The following SNRPC variants were observed in gnomAD, a reference collection of about 807,000 sequenced individuals.
SNRPC encodes the protein small nuclear ribonucleoprotein polypeptide C.
In SNRPC, 5 loss-of-function variants were observed where a neutral mutation model predicts 20.0. The ratio of observed to expected loss-of-function variants is 0.25; its 90% CI spans 0.13 to 0.53. The LOEUF (loss-of-function observed/expected upper bound fraction) is 0.53. Among genes scored for constraint, SNRPC ranks in the 20% least tolerant of loss-of-function variants. The pLI is 0.96. For missense variants in SNRPC, 112 were observed against 224.1 expected, an observed-to-expected ratio of 0.50 and a Z score of 3.19; for synonymous variants, 61 against 58.7, an observed-to-expected ratio of 1.04 and a Z score of -0.18.
chr6:34,759,960 C>T (rs1272169253), intron 2 of SNRPC, among the ~76,000 whole-genome samples: 1 of 152,090 alleles, frequency 6.6e-6, no homozygotes, highest in Non-Finnish European at 1.5e-5. Context: ...TGAATAGTAG[C>T]TGGAAGAAAC....
At chr6:34,765,177 G>C (rs1041105267) in intron 3 of SNRPC, among the ~76,000 whole-genome samples, 2 of 152,082 alleles carry the variant, frequency 1.3e-5, no homozygotes, top group African/African-American at 4.8e-5. Flanking sequence ...TTGCTGTGAG[G>C]GTCTTTCTGT....
rs1311735904 is a variant in SNRPC, at chr6:34,770,309, G to T, written c.269G>T (p.Gly90Val). The T allele has an allele frequency of 6.2e-7, 1 of 1,612,864 alleles. No homozygotes were observed. The highest frequency in any genetic ancestry group is 8.5e-7 in the Non-Finnish European group (1 of 1,178,848). Residue 90 changes from glycine to valine, a missense_variant, in exon 5 of 6, where the codon GGT becomes GTT. Physicochemically the swap from Gly to Val is moderately radical, Grantham distance 109. This residue lies in a region of SNRPC where 57 missense variants were observed against 121.0 expected (regional missense o/e 0.47). Coordinates refer to ENST00000244520, the MANE Select transcript of SNRPC (RefSeq NM_003093.3). ...ATTTCAGCGGGTCCTCCTCGCCCTG[G>T]TATGATGCCAGCACCCCATATGGGG... ...PPSLPGPPRPGMMPAPHMGGP... is the reference protein window; with the variant it reads ...PPSLPGPPRPVMMPAPHMGGP...
chr6:34,762,351 C>A (rs1015017408), intron 2 of SNRPC, among the ~76,000 whole-genome samples: 6 of 150,636 alleles, frequency 4.0e-5, no homozygotes, highest in African/African-American at 1.5e-4. Flanking sequence ...TGTTCCAATA[C>A]TTTTTTTTTA....
Position 34,770,288 on chromosome 6 carries a change from C to A in SNRPC, c.251-3C>A. On this transcript the variant is annotated splice_polypyrimidine_tract_variant and splice_region_variant and intron_variant, in intron 4 of 5. Coordinates refer to ENST00000244520, the MANE Select transcript of SNRPC (RefSeq NM_003093.3). ...TAACCACAGGCTCCATTCTTTATTT[C>A]AGCGGGTCCTCCTCGCCCTGGTATG... 6.3e-7 allele frequency: 1 copy of A among 1,598,876 alleles called. No individual in the cohort carries two copies. Among genetic ancestry groups the A allele is most frequent in the Non-Finnish European group, 8.6e-7 (1 of 1,166,522 alleles).
Position 34,767,901 on chromosome 6 carries a change from T to C in SNRPC, c.161-7T>C, listed in dbSNP as rs767399195. ...TTTTTTTTTTTTTTTTTCCTCACCC[T>C]CCAAAGCGGCTGCATTTCAACAAGG... On this transcript the variant is annotated splice_region_variant and splice_polypyrimidine_tract_variant and intron_variant, in intron 3 of 5. Transcript: ENST00000244520. 7.9e-6 allele frequency: 11 copies of C among 1,387,862 alleles called. No homozygotes were observed. The highest frequency in any genetic ancestry group is 1.1e-5 in the Non-Finnish European group (11 of 1,019,952). The allele number at this position is 1,387,862 out of a possible 1,614,324, so 86.0% of individuals were successfully genotyped here.
chr6:34,758,077 G>C, intron 2 of SNRPC, 123 bp downstream of exon 2: 1 of 1,027,644 alleles, frequency 9.7e-7, no homozygotes, highest in Non-Finnish European at 1.4e-6. Flanking sequence ...TCTACTCCTT[G>C]AAGAAAATAA....
intron 5 of SNRPC, among the ~76,000 whole-genome samples, chr6:34,772,672 C>T (rs537933132): frequency 2.0e-5 from 3 of 152,092 alleles, no homozygotes; most frequent in Non-Finnish European, 4.4e-5. Context: ...AATTATGTGG[C>T]GTAATAGTAA....
At chr6:34,772,044 T>G (rs1467829269) in intron 5 of SNRPC, among the ~76,000 whole-genome samples, 2 of 152,176 alleles carry the variant, frequency 1.3e-5, no homozygotes, top group East Asian at 3.8e-4. Context: ...TTCTGTTTTT[T>G]CAAACCAGGA....
intron 3 of SNRPC, among the ~76,000 whole-genome samples, chr6:34,765,419 A>G (rs1764599859): frequency 1.3e-5 from 2 of 150,566 alleles, no homozygotes; most frequent in Non-Finnish European, 3.0e-5. Flanking sequence ...TATCTTATAT[A>G]TTTATTTATT....
intron 4 of SNRPC, 41 bp from the exon 5 acceptor site, chr6:34,770,250 T>C (rs1764669611): frequency 4.4e-6 from 6 of 1,348,706 alleles, no homozygotes; most frequent in South Asian, 1.2e-5. Flanking sequence ...AATGTTAATA[T>C]GTGAGCACAC....
chr6:34,763,819 C>T (rs1318132027), intron 3 of SNRPC, among the ~76,000 whole-genome samples: 3 of 150,970 alleles, frequency 2.0e-5, no homozygotes, highest in Non-Finnish European at 4.4e-5. Context: ...CAGGTTCAAG[C>T]GATTCTCCTG....
At chr6:34,764,514 T>A (rs754000319) in intron 3 of SNRPC, among the ~76,000 whole-genome samples, 38 of 150,998 alleles carry the variant, frequency 2.5e-4, no homozygotes, top group Non-Finnish European at 2.2e-4. Flanking sequence ...AACAAAAAAT[T>A]CAGACGGGCA....
chr6:34,764,515 C>A (rs2127406628), intron 3 of SNRPC, among the ~76,000 whole-genome samples: 1 of 150,374 alleles, frequency 6.7e-6, no homozygotes, highest in Non-Finnish European at 1.5e-5. Flanking sequence ...ACAAAAAATT[C>A]AGACGGGCAT....
chr6:34,761,786 G>A (rs1764540813), intron 2 of SNRPC, among the ~76,000 whole-genome samples: 1 of 151,622 alleles, frequency 6.6e-6, no homozygotes, highest in Admixed American at 6.6e-5. Context: ...TGGGATTACA[G>A]GCTTGAGCTA....
chr6:34,757,770 C>T, intron 1 of SNRPC, 142 bp from the exon 2 acceptor site: 1 of 1,577,424 alleles, frequency 6.3e-7, no homozygotes, highest in Non-Finnish European at 8.6e-7. Context: ...TATGTGTCGA[C>T]GCTTTGATGC....
intron 2 of SNRPC, among the ~76,000 whole-genome samples, chr6:34,761,756 A>C (rs1458768731): frequency 6.7e-6 from 1 of 148,914 alleles, no homozygotes; most frequent in Non-Finnish European, 1.5e-5. Context: ...TGATCCACCC[A>C]CCTCGGCCTC....
chr6:34,757,962 G>A lies in SNRPC; in HGVS notation c.51+8G>A, dbSNP rs1466392409. Reference sequence around the variant, plus strand: ...TACCTCACCCATGACTCTGTAAGTGGCATATCTATTCATAGTTTCAAAAAG... The same window carrying A: ...TACCTCACCCATGACTCTGTAAGTGACATATCTATTCATAGTTTCAAAAAG... On this transcript the variant is annotated splice_region_variant and intron_variant, in intron 2 of 5. Coordinates refer to ENST00000244520, the MANE Select transcript of SNRPC (RefSeq NM_003093.3). The A allele has an allele frequency of 4.4e-6, 7 of 1,605,116 alleles. No homozygotes were observed. Among genetic ancestry groups the A allele is most frequent in the African/African-American group, 1.4e-5 (1 of 74,006 alleles).
chr6:34,767,238 A>G (rs115266473), intron 3 of SNRPC, among the ~76,000 whole-genome samples: 3 of 152,348 alleles, frequency 2.0e-5, no homozygotes, highest in East Asian at 1.9e-4. Flanking sequence ...TTGGGCACGT[A>G]TTACACTTTT....
chr6:34,758,030 T>A (rs1309777818), intron 2 of SNRPC, 76 bp downstream of exon 2: 3 of 1,502,024 alleles, frequency 2.0e-6, no homozygotes, highest in Non-Finnish European at 2.7e-6. Flanking sequence ...TTTTTTTAAG[T>A]TGCAAGTTGT....
Sources: allele counts gnomAD v4.1 joint callset (sites outside exome capture counted in the v4.1 genomes callset), GRCh38; gene constraint gnomAD v4.1.1; regional missense constraint gnomAD v4.1.1; transcripts MANE v1.5; gene names NCBI Gene and HGNC (gene_info 2026-07-23, HGNC 2026-07-21).